The following PPM1L variants were observed in gnomAD, a reference collection of about 807,000 sequenced individuals.
The protein encoded by PPM1L is protein phosphatase 1L.
A neutral mutation model predicts 31.4 loss-of-function variants in PPM1L; 13 were observed. The ratio of observed to expected loss-of-function variants is 0.41; its 90% CI spans 0.27 to 0.66. The LOEUF (loss-of-function observed/expected upper bound fraction) is 0.66, where lower values mean the gene tolerates loss of function less well. Ranked by LOEUF, PPM1L falls within the 30% of genes least tolerant of loss-of-function variation. The probability of loss-of-function intolerance (pLI) is 0.29; values close to 1 mark genes in which losing one functional copy is unlikely to be tolerated. For synonymous variants in PPM1L, 184 were observed against 175.4 expected, an observed-to-expected ratio of 1.05 and a Z score of -0.39; for missense variants, 326 against 453.7, an observed-to-expected ratio of 0.72 and a Z score of 2.56.
chr3:160,824,608 G>T (rs987909831), intron 1 of PPM1L, among the ~76,000 whole-genome samples: 6 of 152,112 alleles, frequency 3.9e-5, no homozygotes, highest in Non-Finnish European at 8.8e-5. Context: ...GGCATGAGGG[G>T]TGCCATATGA....
intron 1 of PPM1L, among the ~76,000 whole-genome samples, chr3:160,957,826 T>G (rs1306476081): frequency 2.6e-5 from 4 of 152,172 alleles, no homozygotes; most frequent in African/African-American, 9.7e-5. Context: ...TCCGCCCGCC[T>G]CAGCCTCCTA....
chr3:160,827,543 G>A (rs1713394146), intron 1 of PPM1L, among the ~76,000 whole-genome samples: 2 of 151,598 alleles, frequency 1.3e-5, no homozygotes, highest in South Asian at 4.2e-4. Flanking sequence ...GAAAACGTGT[G>A]CATACTCTAA....
chr3:160,858,317 G>A (rs2108118683), intron 1 of PPM1L, among the ~76,000 whole-genome samples: 1 of 151,838 alleles, frequency 6.6e-6, no homozygotes, highest in South Asian at 2.1e-4. Flanking sequence ...CATGGTCTTG[G>A]CTCACTGCAA....
intron 2 of PPM1L, among the ~76,000 whole-genome samples, chr3:161,021,844 G>T (rs1014158072): frequency 6.6e-6 from 1 of 151,264 alleles, no homozygotes; most frequent in African/African-American, 2.4e-5. Flanking sequence ...TTCTCTTCTG[G>T]TTTTTTTTAT....
chr3:160,795,278 C>G (rs768520851), intron 1 of PPM1L, among the ~76,000 whole-genome samples: 16 of 152,026 alleles, frequency 1.1e-4, no homozygotes, highest in Non-Finnish European at 2.1e-4. Context: ...AACTCTAGAC[C>G]AGGGTTTAGA....
intron 2 of PPM1L, among the ~76,000 whole-genome samples, chr3:160,974,444 CA>C (rs1227431037): frequency 6.6e-6 from 1 of 151,272 alleles, no homozygotes; most frequent in Non-Finnish European, 1.5e-5. Flanking sequence ...GAGGAATCGC[CA>C]CACTGACTTC....
intron 2 of PPM1L, among the ~76,000 whole-genome samples, chr3:161,019,524 A>G (rs1718183050): frequency 1.3e-5 from 2 of 152,160 alleles, no homozygotes; most frequent in African/African-American, 4.8e-5. Flanking sequence ...CTACTAAAAT[A>G]AATTCTGGAC....
chr3:160,932,200 A>T (rs752472760), intron 1 of PPM1L, among the ~76,000 whole-genome samples: 8 of 152,204 alleles, frequency 5.3e-5, no homozygotes, highest in Non-Finnish European at 1.0e-4. Context: ...ATTTGACTTG[A>T]CTGAAATAGG....
At chr3:160,864,300 C>T (rs1193398024) in intron 1 of PPM1L, among the ~76,000 whole-genome samples, 3 of 152,114 alleles carry the variant, frequency 2.0e-5, no homozygotes, top group Non-Finnish European at 4.4e-5. Context: ...CCCCGCTGAC[C>T]TCAGCCTCCT....
At chr3:160,791,866 C>T (rs771679234) in intron 1 of PPM1L, among the ~76,000 whole-genome samples, 5 of 152,104 alleles carry the variant, frequency 3.3e-5, no homozygotes, top group Admixed American at 6.6e-5. Flanking sequence ...GGCAGAGGGA[C>T]GCTACTGCAA....
At chr3:160,850,306 C>T (rs538075069) in intron 1 of PPM1L, among the ~76,000 whole-genome samples, 9 of 152,296 alleles carry the variant, frequency 5.9e-5, no homozygotes, top group African/African-American at 2.2e-4. Context: ...GTTGTTGACC[C>T]AGCAAGAGCA....
chr3:161,054,324 C>T (rs891857710), intron 2 of PPM1L, among the ~76,000 whole-genome samples: 3 of 150,934 alleles, frequency 2.0e-5, no homozygotes, highest in African/African-American at 7.3e-5. Flanking sequence ...ATAGAAACCC[C>T]CTAATGTGCT....
At chr3:160,961,933 C>T (rs768563721) in intron 2 of PPM1L, 23 bp downstream of exon 2, 4 of 1,516,798 alleles carry the variant, frequency 2.6e-6, no homozygotes, top group Admixed American at 4.8e-5. Flanking sequence ...TTAAAACACA[C>T]ATTTTTTTTC....
At chr3:160,929,933 T>A (rs1006635072) in intron 1 of PPM1L, among the ~76,000 whole-genome samples, 1 of 152,060 alleles carries the variant, frequency 6.6e-6, no homozygotes, top group African/African-American at 2.4e-5. Context: ...ACATATCCCC[T>A]CCAAACTGTA....
intron 1 of PPM1L, among the ~76,000 whole-genome samples, chr3:160,905,018 G>A (rs1445547601): frequency 1.3e-5 from 2 of 152,102 alleles, no homozygotes; most frequent in African/African-American, 2.4e-5. Context: ...TATTCATTTG[G>A]TTCACAGCAG....
At position 160,922,038 on chromosome 3, in the gene PPM1L, C is replaced by T. The variant is rs189534730; in HGVS notation, c.400-39698C>T. ...TTAGATTCCTGCTGACGGCTGGGCA[C>T]GGTGGCTCACACCTGTAATCCCAGC... On this transcript the variant is annotated intron_variant, in intron 1 of 3. Transcript: ENST00000498165. Among the ~76,000 whole-genome samples, 620 of 152,240 alleles carry T rather than the reference C, an allele frequency of 4.1e-3. 4 individuals carry two copies. Among genetic ancestry groups the T allele is most frequent in the African/African-American group, 0.013 (545 of 41,556 alleles).
rs552674954 is a variant in PPM1L at position 160,866,886 on chromosome 3, C to T, written c.400-94850C>T. Among the ~76,000 whole-genome samples, 128 of 152,278 alleles carry T rather than the reference C, an allele frequency of 8.4e-4. 1 individual carries two copies. Among genetic ancestry groups the T allele is most frequent in the African/African-American group, 2.9e-3 (120 of 41,546 alleles). On this transcript the variant is annotated intron_variant, in intron 1 of 3. Coordinates refer to ENST00000498165, the MANE Select transcript of PPM1L (RefSeq NM_139245.4). ...TTGAGACAGAATCTTGTTCTGTCGC[C>T]TAGGCTGGAGTGCAGTGGTGCAATC...
Position 160,975,550 on chromosome 3 carries a change from G to T in PPM1L, c.574+13640G>T, listed in dbSNP as rs553476515. On this transcript the variant is annotated intron_variant, in intron 2 of 3. Transcript: ENST00000498165. ...TGTTTGTATCCTTTTTTATTTCCTT[G>T]AGCAGTGGTTTGTAGTTCTCCTTGA... Among the ~76,000 whole-genome samples, 168 of 152,064 alleles carry T rather than the reference G, an allele frequency of 1.1e-3. 7 individuals are homozygous for T. The South Asian group carries it at 0.014, about 13-fold the overall frequency.
chr3:160,814,492 CACACAT>C (rs1230431674), intron 1 of PPM1L, among the ~76,000 whole-genome samples: 3 of 149,050 alleles, frequency 2.0e-5, no homozygotes, highest in African/African-American at 5.0e-5. Flanking sequence ...CACACACACA[CACACAT>C]ATATGTATGT....
Sources: gnomAD v4.1 joint callset for allele counts (sites outside exome capture counted in the v4.1 genomes callset) on GRCh38, gnomAD v4.1.1 for gene constraint, MANE v1.5 for transcripts, NCBI Gene and HGNC (gene_info 2026-07-23, HGNC 2026-07-21) for gene names.